KNTC1: variants seen among roughly 807,000 people sequenced by gnomAD.
KNTC1 encodes kinetochore associated 1.
A neutral mutation model predicts 314.4 loss-of-function variants in KNTC1; 253 were observed. That is an observed-to-expected ratio of 0.80 (90% confidence interval 0.73 to 0.89). The LOEUF (loss-of-function observed/expected upper bound fraction) is 0.89. Ranked by LOEUF, KNTC1 falls within the 40% of genes least tolerant of loss-of-function variation. The probability of loss-of-function intolerance (pLI) is 0.00; values close to 1 mark genes in which losing one functional copy is unlikely to be tolerated. For missense variants in KNTC1, 2,475 were observed against 2,572.9 expected, an observed-to-expected ratio of 0.96 and a Z score of 0.82; for synonymous variants, 901 against 901.4, an observed-to-expected ratio of 1.00 and a Z score of 0.01.
At chr12:122,569,420 C>T (rs960003771) in intron 21 of KNTC1, among the ~76,000 whole-genome samples, 1 of 152,130 alleles carries the variant, frequency 6.6e-6, no homozygotes, top group African/African-American at 2.4e-5. Flanking sequence ...TAGTATCACC[C>T]CCAGTTAAGT....
chr12:122,544,686 A>G (rs1010997227), intron 8 of KNTC1, among the ~76,000 whole-genome samples: 1 of 152,248 alleles, frequency 6.6e-6, no homozygotes, highest in African/African-American at 2.4e-5. Flanking sequence ...TACTGGTGAC[A>G]TACTCACAGG....
At chr12:122,580,754 C>A in intron 33 of KNTC1, 84 bp downstream of exon 33, 1 of 844,630 alleles carries the variant, frequency 1.2e-6, no homozygotes, top group South Asian at 1.7e-5. Flanking sequence ...TATGGCTGGG[C>A]GCAGTGGCTT....
intron 20 of KNTC1, among the ~76,000 whole-genome samples, chr12:122,564,769 G>A (rs1431399797): frequency 2.0e-5 from 3 of 152,208 alleles, no homozygotes; most frequent in Non-Finnish European, 4.4e-5. Context: ...ACCACGCCCA[G>A]TGCTCATTTC....
At chr12:122,606,313 G>T (rs1300869381) in intron 51 of KNTC1, among the ~76,000 whole-genome samples, 1 of 149,416 alleles carries the variant, frequency 6.7e-6, no homozygotes, top group African/African-American at 2.5e-5. Context: ...CTCTGCCGAG[G>T]TTCAAGAGAT....
intron 41 of KNTC1, 25 bp from the exon 42 acceptor site, chr12:122,591,312 C>A: frequency 8.2e-7 from 1 of 1,217,446 alleles, no homozygotes; most frequent in Non-Finnish European, 1.2e-6. Context: ...TACGATTGAA[C>A]TTTAATTCTC....
At chr12:122,579,332 G>T (rs995015694) in intron 31 of KNTC1, among the ~76,000 whole-genome samples, 2 of 151,858 alleles carry the variant, frequency 1.3e-5, no homozygotes, top group African/African-American at 2.4e-5. Context: ...CCAAAGTGCT[G>T]GGATTACAGG....
At chr12:122,565,872 G>T (rs1009855843) in intron 20 of KNTC1, among the ~76,000 whole-genome samples, 3 of 151,672 alleles carry the variant, frequency 2.0e-5, no homozygotes, top group Admixed American at 2.0e-4. Context: ...GTGACACAGT[G>T]AAACTCGCCT....
chr12:122,597,764 G>C lies in KNTC1; in HGVS notation c.4389G>C (p.Gln1463His). 1 of 1,613,928 alleles carries C rather than the reference G, an allele frequency of 6.2e-7. No individual in the cohort carries two copies. ...AGTTGGACTGCGATGCAGTTCTTCAGCTCTTCATTGAAACGCTGCTCCACA... is the reference window on the plus strand; with the variant it reads ...AGTTGGACTGCGATGCAGTTCTTCACCTCTTCATTGAAACGCTGCTCCACA... ...TFQLDCDAVLQLFIETLLHNT... is the reference protein window; with the variant it reads ...TFQLDCDAVLHLFIETLLHNT... Residue 1463 changes from glutamine (Q) to histidine (H), a missense_variant, in exon 44 of 64, where the codon CAG (glutamine) becomes CAC (histidine). By Grantham distance (24) the Gln-to-His change is conservative (BLOSUM62 0). Coordinates refer to ENST00000333479, the MANE Select transcript of KNTC1 (RefSeq NM_014708.6).
intron 4 of KNTC1, among the ~76,000 whole-genome samples, chr12:122,539,046 T>A (rs533034834): frequency 4.6e-5 from 7 of 152,360 alleles, no homozygotes; most frequent in African/African-American, 1.7e-4. Flanking sequence ...TTTAGTAACC[T>A]TGGAAGATGG....
intron 61 of KNTC1, among the ~76,000 whole-genome samples, 174 bp downstream of exon 61, chr12:122,622,144 GC>G (rs1395981229): frequency 6.6e-6 from 1 of 152,210 alleles, no homozygotes; most frequent in Non-Finnish European, 1.5e-5. Flanking sequence ...GGGACCCTGA[GC>G]GTCTTGTTGA....
chr12:122,581,198 AT>A (rs34152519), intron 33 of KNTC1, among the ~76,000 whole-genome samples: 1,492 of 135,206 alleles, frequency 0.011, 12 homozygotes, highest in African/African-American at 0.024. Context: ...TGTGTTATTA[AT>A]TTTTTTTTTT....
rs556798073 is a variant in KNTC1, at chr12:122,577,050, C to G, written c.2721+21C>G. 1.1e-5 allele frequency: 16 copies of G among 1,472,928 alleles called. No individual in the cohort carries two copies. The African/African-American group carries it at 2.2e-4, about 20-fold the overall frequency. The allele number at this position is 1,472,928 out of a possible 1,614,324, so 91.2% of individuals were successfully genotyped here. A position where few individuals can be genotyped will look rare whatever the true frequency, so the allele number is the denominator to read the frequency against. Reference sequence around the variant, plus strand: ...AACAGGTTTGTAAGTTTTATGTTGTCATTTCATATGGCTTCTTTGTTTCTG... The same window carrying G: ...AACAGGTTTGTAAGTTTTATGTTGTGATTTCATATGGCTTCTTTGTTTCTG... On this transcript the variant is annotated intron_variant, in intron 30 of 63. Coordinates refer to ENST00000333479, the MANE Select transcript of KNTC1 (RefSeq NM_014708.6).
intron 33 of KNTC1, 103 bp downstream of exon 33, chr12:122,580,773 A>T (rs939201801): frequency 3.1e-6 from 2 of 648,674 alleles, no homozygotes; most frequent in African/African-American, 3.8e-5. Context: ...TTACCCCTGT[A>T]ATCCCAGCAC....
chr12:122,601,838 T>G (rs1871957219), intron 45 of KNTC1: 1 of 444,924 alleles, frequency 2.2e-6, no homozygotes, highest in African/African-American at 2.1e-5. Context: ...CATCCTTTTT[T>G]TGCTGTTTTG....
At chr12:122,541,135 C>G (rs112162374) in intron 5 of KNTC1, among the ~76,000 whole-genome samples, 3 of 151,688 alleles carry the variant, frequency 2.0e-5, no homozygotes, top group Admixed American at 1.3e-4. Flanking sequence ...GTCTGGCCTG[C>G]GAGTGCAGGC....
In KNTC1 at chr12:122,527,331, CTT is replaced by C. The variant is rs1425029779; in HGVS notation, c.-92_-91del. The C allele has an allele frequency of 5.7e-6, 1 of 175,890 alleles. No homozygotes were observed. Among genetic ancestry groups the C allele is most frequent in the African/African-American group, 2.4e-5 (1 of 41,852 alleles). The allele number at this position is 175,890 out of a possible 1,614,324, so 10.9% of individuals were successfully genotyped here. ...AGGGGCCAGATATCTGAGTGTTCCT[CTT>C]TAGTTTCTTCAATTGCAGGTGAGGA... On this transcript the variant is annotated 5_prime_UTR_variant, in exon 1 of 64. Transcript: ENST00000333479.
intron 57 of KNTC1, chr12:122,617,609 G>T: frequency 5.3e-6 from 1 of 190,186 alleles, no homozygotes; most frequent in South Asian, 8.7e-5. Flanking sequence ...AACCGGCTAA[G>T]GATTAATTTT....
chr12:122,535,379 A>C (rs1489929692), intron 3 of KNTC1, among the ~76,000 whole-genome samples: 1 of 152,040 alleles, frequency 6.6e-6, no homozygotes, highest in Non-Finnish European at 1.5e-5. Context: ...CAAAAATCAC[A>C]CCTGTAATCC....
chr12:122,584,305 T>C lies in KNTC1; in HGVS notation c.3291T>C (p.Ala1097=). Residue 1097 remains alanine (A), a synonymous_variant, in exon 35 of 64, where the codon GCT becomes GCC. Coordinates refer to ENST00000333479, the MANE Select transcript of KNTC1 (RefSeq NM_014708.6). ...ACTTGTTTAAGTATCACTGCAATGCTGACACTGGGAAATTGCTATTTCTGA... is the reference window on the plus strand; with the variant it reads ...ACTTGTTTAAGTATCACTGCAATGCCGACACTGGGAAATTGCTATTTCTGA... The part of the protein sequence containing the change: ...CSDLFKYHCN[A]DTGKLLFLTC... The C allele has an allele frequency of 8.1e-6, 13 of 1,613,418 alleles. No individual in the cohort carries two copies. The highest frequency in any genetic ancestry group is 1.0e-5 in the Non-Finnish European group (12 of 1,179,492).
Sources: gnomAD v4.1 joint callset for allele counts (sites outside exome capture counted in the v4.1 genomes callset) on GRCh38, gnomAD v4.1.1 for gene constraint, MANE v1.5 for transcripts, NCBI Gene and HGNC (gene_info 2026-07-23, HGNC 2026-07-21) for gene names.